NFKB1: variants seen among roughly 807,000 people sequenced by gnomAD.
The protein encoded by NFKB1 is nuclear factor NF-kappa-B p105 subunit.
NFKB1 carries 9 observed loss-of-function variants against 105.1 expected under a neutral mutation model. The observed-to-expected ratio is 0.09, with a 90% CI of 0.05 to 0.15. NFKB1 has a LOEUF of 0.15. Among genes scored for constraint, NFKB1 ranks in the 10% least tolerant of loss-of-function variants. The pLI is 1.00. For synonymous variants in NFKB1, 440 were observed against 442.2 expected (o/e 1.00, Z 0.06); for missense variants, 830 against 1,203.7 (o/e 0.69, Z 4.59).
At chr4:102,514,417 G>C (rs968123437) in intron 1 of NFKB1, among the ~76,000 whole-genome samples, 2 of 152,140 alleles carry the variant, frequency 1.3e-5, no homozygotes, top group Non-Finnish European at 2.9e-5. Flanking sequence ...AAAAGGGCTT[G>C]CTGGAGGAAA....
intron 1 of NFKB1, among the ~76,000 whole-genome samples, chr4:102,519,903 A>C (rs548230399): frequency 6.6e-6 from 1 of 152,236 alleles, no homozygotes. Flanking sequence ...TTCTTTACCC[A>C]TGAGGTAGTC....
rs184606595 is a variant in NFKB1, at chr4:102,508,195, T to C, written c.-8+6407T>C. Reference sequence around the variant, plus strand: ...GGTGTTTGACTGTTAAGACTTGATCTATAACCTTCAGTGTCTTTTTCTTTT... The same window carrying C: ...GGTGTTTGACTGTTAAGACTTGATCCATAACCTTCAGTGTCTTTTTCTTTT... On this transcript the variant is annotated intron_variant, in intron 1 of 23. Coordinates refer to ENST00000226574, the MANE Select transcript of NFKB1 (RefSeq NM_003998.4). 3.1e-3 allele frequency among the ~76,000 whole-genome samples: 475 copies of C among 152,346 alleles called. 2 individuals are homozygous for C. Among genetic ancestry groups the C allele is most frequent in the Non-Finnish European group, 4.5e-3 (304 of 68,018 alleles).
intron 5 of NFKB1, among the ~76,000 whole-genome samples, chr4:102,556,912 A>G (rs903050214): frequency 2.6e-5 from 4 of 152,156 alleles, no homozygotes; most frequent in South Asian, 2.1e-4. Flanking sequence ...TTTTTAGAAT[A>G]AGGAAGAAAA....
intron 23 of NFKB1, among the ~76,000 whole-genome samples, chr4:102,614,302 A>G (rs565911288): frequency 1.3e-5 from 2 of 152,046 alleles, no homozygotes; most frequent in Non-Finnish European, 2.9e-5. Context: ...CCCTGAGTCT[A>G]ACCCCCTCAC....
chr4:102,599,609 T>G (rs188530184), intron 15 of NFKB1, among the ~76,000 whole-genome samples: 3 of 152,180 alleles, frequency 2.0e-5, no homozygotes, highest in Non-Finnish European at 4.4e-5. Flanking sequence ...ATGTATCCCC[T>G]ATGCAGGATT....
At chr4:102,538,789 ATTAT>A (rs1741805337) in intron 5 of NFKB1, among the ~76,000 whole-genome samples, 1 of 152,214 alleles carries the variant, frequency 6.6e-6, no homozygotes, top group Non-Finnish European at 1.5e-5. Context: ...TATAAAAGTT[ATTAT>A]TTAGTCAGTA....
At chr4:102,553,674 T>C (rs1722786196) in intron 5 of NFKB1, among the ~76,000 whole-genome samples, 2 of 152,208 alleles carry the variant, frequency 1.3e-5, no homozygotes, top group Non-Finnish European at 2.9e-5. Context: ...TCTCCACTTA[T>C]GTAATTGAAG....
intron 2 of NFKB1, among the ~76,000 whole-genome samples, chr4:102,525,915 G>C (rs1740880122): frequency 2.6e-5 from 4 of 152,086 alleles, no homozygotes; most frequent in Admixed American, 2.6e-4. Flanking sequence ...GTGTTGGCAG[G>C]GTTGGTTCCT....
chr4:102,512,277 G>A (rs1231867394), intron 1 of NFKB1, among the ~76,000 whole-genome samples: 1 of 152,204 alleles, frequency 6.6e-6, no homozygotes, highest in Middle Eastern at 3.2e-3. Context: ...ACATAGAAGA[G>A]AGAGGTATAG....
chr4:102,554,620 C>T (rs553022723), intron 5 of NFKB1, among the ~76,000 whole-genome samples: 80 of 152,190 alleles, frequency 5.3e-4, no homozygotes, highest in Non-Finnish European at 9.6e-4. Flanking sequence ...GAAGCATAAA[C>T]TGACACTGTG....
At position 102,559,565 on chromosome 4, in the gene NFKB1, T is replaced by C. The variant is rs1456673964; in HGVS notation, c.259-7422T>C. ...AAGTGATCAGATAGAGGATATTTTT[T>C]TGAAGATTTGAATTAATATTATATA... is the stretch of plus-strand genomic sequence containing the variant. On this transcript the variant is annotated intron_variant, in intron 5 of 23. Transcript: ENST00000226574. Among the ~76,000 whole-genome samples, 13 of 152,136 alleles carry C rather than the reference T, an allele frequency of 8.5e-5. No homozygotes were observed. The East Asian group carries it at 2.3e-3, about 27-fold the overall frequency.
chr4:102,551,367 T>TGTGTGTGTGTGTGTGTGCGC (rs370790173), intron 5 of NFKB1, among the ~76,000 whole-genome samples: 490 of 150,166 alleles, frequency 3.3e-3, no homozygotes, highest in African/African-American at 0.01. Context: ...TGTGTGTGTG[T>TGTGTGTGTGTGTGTGTGCGC]GCGCGCGCGC....
chr4:102,555,869 CA>C (rs1237972618), intron 5 of NFKB1, among the ~76,000 whole-genome samples: 1 of 152,146 alleles, frequency 6.6e-6, no homozygotes, highest in Non-Finnish European at 1.5e-5. Flanking sequence ...AAATTATCAG[CA>C]GCATTGTGCT....
chr4:102,586,793 C>A (rs1725745308), intron 11 of NFKB1, among the ~76,000 whole-genome samples: 1 of 152,194 alleles, frequency 6.6e-6, no homozygotes, highest in African/African-American at 2.4e-5. Flanking sequence ...ACGGGGCACC[C>A]AGATCCTTGC....
chr4:102,593,810 GA>G (rs1442688746), intron 12 of NFKB1, among the ~76,000 whole-genome samples: 2 of 152,072 alleles, frequency 1.3e-5, no homozygotes, highest in African/African-American at 2.4e-5. Flanking sequence ...GTTATTTAAT[GA>G]ATACCTTCCT....
intron 11 of NFKB1, among the ~76,000 whole-genome samples, chr4:102,585,036 C>G (rs1016496163): frequency 6.6e-6 from 1 of 151,984 alleles, no homozygotes; most frequent in African/African-American, 2.4e-5. Flanking sequence ...TGTGCGCCAC[C>G]ATGCCGGGCT....
chr4:102,572,265 A>G (rs975679118), intron 6 of NFKB1, among the ~76,000 whole-genome samples: 2 of 146,078 alleles, frequency 1.4e-5, no homozygotes, highest in African/African-American at 5.1e-5. Context: ...GTTCTCACTC[A>G]TAGGTGGAAA....
chr4:102,582,679 T>C (rs1408579795), intron 9 of NFKB1, among the ~76,000 whole-genome samples, 187 bp from the exon 10 acceptor site: 1 of 152,180 alleles, frequency 6.6e-6, no homozygotes, highest in Non-Finnish European at 1.5e-5. Flanking sequence ...TGGGGCGCAT[T>C]ACTGTGGTAA....
At chr4:102,579,646 A>AAT (rs1553934286) in intron 8 of NFKB1, among the ~76,000 whole-genome samples, 1,354 of 124,108 alleles carry the variant, frequency 0.011, 23 homozygotes, top group African/African-American at 0.035. Flanking sequence ...CAAAAAAAAA[A>AAT]ATATATATAT....
Sources: allele counts gnomAD v4.1 joint callset (sites outside exome capture counted in the v4.1 genomes callset), GRCh38; gene constraint gnomAD v4.1.1; transcripts MANE v1.5; gene names NCBI Gene and HGNC (gene_info 2026-07-23, HGNC 2026-07-21).